The following PDE4D variants were observed in gnomAD, a reference collection of about 807,000 sequenced individuals.
PDE4D encodes the protein phosphodiesterase 4D.
A neutral mutation model predicts 87.4 loss-of-function variants in PDE4D; 24 were observed. The ratio of observed to expected loss-of-function variants is 0.27; its 90% confidence interval spans 0.20 to 0.39. The LOEUF is 0.39. PDE4D is among the 10% of genes least tolerant of loss of function. The pLI is 1.00. For missense variants in PDE4D, 714 were observed against 1,041.0 expected (o/e 0.69, Z 4.32); for synonymous variants, 384 against 383.2 (o/e 1.00, Z -0.02).
chr5:59,847,202 G>C (rs1743992662), intron 1 of PDE4D, among the ~76,000 whole-genome samples: 1 of 151,970 alleles, frequency 6.6e-6, no homozygotes, highest in South Asian at 2.1e-4. Flanking sequence ...TATGAAACCT[G>C]TAAAAATTGG....
In PDE4D at chr5:60,235,426, G is replaced by A. The variant is rs538449052; in HGVS notation, c.-89-49739C>T. On this transcript the variant is annotated intron_variant, in intron 1 of 16. Coordinates refer to the PDE4D transcript ENST00000502484. ...ACCTCCCGAAGTAGTTTGAAAAAGA[G>A]GGCTTGCTCCCAACCACTATGAACC... 9.2e-5 allele frequency among the ~76,000 whole-genome samples: 14 copies of A among 151,924 alleles called. No individual in the cohort carries two copies. The East Asian group carries it at 2.1e-3, about 23-fold the overall frequency.
At chr5:59,255,377 G>A (rs146042865) in intron 1 of PDE4D, among the ~76,000 whole-genome samples, 214 of 152,088 alleles carry the variant, frequency 1.4e-3, no homozygotes, top group African/African-American at 4.9e-3. Flanking sequence ...GGAAAAAAAC[G>A]TAGATTAGCC....
chr5:60,158,791 G>C (rs1285332602), intron 2 of PDE4D, among the ~76,000 whole-genome samples: 1 of 152,070 alleles, frequency 6.6e-6, no homozygotes, highest in Non-Finnish European at 1.5e-5. Context: ...GAATGGTCTG[G>C]ATCTCCTGAC....
intron 1 of PDE4D, among the ~76,000 whole-genome samples, chr5:59,682,768 C>A (rs1383128045): frequency 2.6e-5 from 4 of 152,130 alleles, no homozygotes; most frequent in Non-Finnish European, 5.9e-5. Flanking sequence ...CCTTCAGAAC[C>A]ATGAGAAATA....
chr5:60,064,553 T>TA lies in PDE4D; in HGVS notation c.43-75837dup, dbSNP rs546265542. Among the ~76,000 whole-genome samples the TA allele has an allele frequency of 3.9e-5, 6 of 152,274 alleles. No homozygotes were observed. The South Asian group carries it at 1.2e-3, about 32-fold the overall frequency. On this transcript the variant is annotated intron_variant, in intron 2 of 16. Coordinates refer to the PDE4D transcript ENST00000502484. ...TTCTTATTTTGCACCCTTCCACTTA[T>TA]AAAATGTAATATTTTCTGATTAAAA... is the stretch of plus-strand genomic sequence containing the variant.
chr5:60,021,408 G>A (rs1766052499), intron 2 of PDE4D: 1 of 152,206 alleles, frequency 6.6e-6, no homozygotes, highest in Admixed American at 6.5e-5. Context: ...CGCTCTTCAA[G>A]GAAAATGTCA....
chr5:59,232,788 C>A (rs1157459216), intron 1 of PDE4D, among the ~76,000 whole-genome samples: 1 of 149,796 alleles, frequency 6.7e-6, no homozygotes, highest in Admixed American at 6.7e-5. Context: ...TATCCACCAA[C>A]AAACAAACCG....
chr5:59,425,487 C>T (rs1582537937), intron 1 of PDE4D, among the ~76,000 whole-genome samples: 1 of 152,134 alleles, frequency 6.6e-6, no homozygotes. Flanking sequence ...AGTCCCTAGA[C>T]ATTGCCAAAT....
chr5:59,818,112 T>A (rs1769206929), intron 1 of PDE4D, among the ~76,000 whole-genome samples: 1 of 152,146 alleles, frequency 6.6e-6, no homozygotes, highest in Non-Finnish European at 1.5e-5. Context: ...AGTTTAAGAA[T>A]GGCAACACTC....
At position 60,133,226 on chromosome 5, in the gene PDE4D, C is replaced by T. The variant is rs1779740771; in HGVS notation, c.42+52331G>A. Among the ~76,000 whole-genome samples the T allele has an allele frequency of 3.3e-5, 5 of 152,172 alleles. No individual in the cohort carries two copies. In the South Asian group the frequency reaches 8.3e-4, roughly 25 times the overall value. ...TCTAATTCTCTCACCAATCTCTCTC[C>T]TACATTATTATCAAAATATTCTCCA... On this transcript the variant is annotated intron_variant, in intron 2 of 16. Coordinates refer to the PDE4D transcript ENST00000502484.
At chr5:59,443,029 A>C (rs2153636933) in intron 1 of PDE4D, among the ~76,000 whole-genome samples, 1 of 152,340 alleles carries the variant, frequency 6.6e-6, no homozygotes, top group South Asian at 2.1e-4. Context: ...TTCAACAGAT[A>C]CAAGAGAAAA....
intron 1 of PDE4D, among the ~76,000 whole-genome samples, chr5:59,628,169 T>C (rs942099739): frequency 1.3e-5 from 2 of 152,146 alleles, no homozygotes; most frequent in Non-Finnish European, 2.9e-5. Context: ...ATTTTTAACT[T>C]AATAATGGAA....
intron 1 of PDE4D, among the ~76,000 whole-genome samples, chr5:60,364,789 A>C (rs1333134558): frequency 6.6e-6 from 1 of 152,310 alleles, no homozygotes; most frequent in East Asian, 1.9e-4. Flanking sequence ...ATGTAGATTA[A>C]TGTGCCTAAA....
intron 1 of PDE4D, among the ~76,000 whole-genome samples, chr5:59,797,382 A>G (rs1443616848): frequency 6.6e-6 from 1 of 152,268 alleles, no homozygotes; most frequent in African/African-American, 2.4e-5. Context: ...CACCACATGC[A>G]TGGAAGGACC....
intron 1 of PDE4D, among the ~76,000 whole-genome samples, chr5:59,222,612 G>T (rs1478568590): frequency 6.6e-6 from 1 of 152,186 alleles, no homozygotes; most frequent in Non-Finnish European, 1.5e-5. Context: ...CATCACTGAA[G>T]CCAGGACCAT....
At chr5:59,887,739 TTGTGTGTG>T (rs542926434) in intron 1 of PDE4D, among the ~76,000 whole-genome samples, 1 of 149,042 alleles carries the variant, frequency 6.7e-6, no homozygotes, top group Admixed American at 6.7e-5. Context: ...GTGTGTGTGT[TTGTGTGTG>T]TGTGTGTGTG....
chr5:59,528,151 A>G (rs749132895), intron 1 of PDE4D, among the ~76,000 whole-genome samples: 6 of 152,220 alleles, frequency 3.9e-5, no homozygotes, highest in Non-Finnish European at 7.3e-5. Context: ...TAAGTGACAT[A>G]GTGCATACAT....
chr5:60,355,246 G>A (rs1759523661), intron 1 of PDE4D, among the ~76,000 whole-genome samples: 1 of 152,140 alleles, frequency 6.6e-6, no homozygotes, highest in Non-Finnish European at 1.5e-5. Context: ...TTGGTCACCT[G>A]ACTATTATAC....
intron 1 of PDE4D, among the ~76,000 whole-genome samples, chr5:59,806,344 T>A (rs1767729741): frequency 6.6e-6 from 1 of 152,234 alleles, no homozygotes; most frequent in Non-Finnish European, 1.5e-5. Flanking sequence ...TTGTCACTGA[T>A]GTCCCTAGAC....
Sources: gnomAD v4.1 joint callset for allele counts (sites outside exome capture counted in the v4.1 genomes callset) on GRCh38, gnomAD v4.1.1 for gene constraint, MANE v1.5 for transcripts, NCBI Gene and HGNC (gene_info 2026-07-23, HGNC 2026-07-21) for gene names.